Variants in ARHGAP26 observed in about 807,000 individuals in gnomAD.
ARHGAP26 encodes rho GTPase-activating protein 26.
Under a neutral mutation model 104.8 loss-of-function variants are expected in ARHGAP26, and 38 were observed. That is an observed-to-expected ratio of 0.36 (90% CI 0.28 to 0.48). The LOEUF (loss-of-function observed/expected upper bound fraction) is 0.48, where lower values mean the gene tolerates loss of function less well. Among genes scored for constraint, ARHGAP26 ranks in the 20% least tolerant of loss-of-function variants. The probability of loss-of-function intolerance (pLI) is 0.99; values close to 1 mark genes in which losing one functional copy is unlikely to be tolerated. For missense variants in ARHGAP26, 704 were observed against 947.9 expected (o/e 0.74, Z 3.38); for synonymous variants, 341 against 340.0 (o/e 1.00, Z -0.03).
At chr5:142,895,262 G>A (rs896857742) in intron 6 of ARHGAP26, among the ~76,000 whole-genome samples, 35 of 151,086 alleles carry the variant, frequency 2.3e-4, no homozygotes, top group African/African-American at 7.8e-4. Flanking sequence ...ACAGCTTCTC[G>A]CTCTGTCACC....
At chr5:143,183,063 T>C (rs1170578024) in intron 20 of ARHGAP26, among the ~76,000 whole-genome samples, 1 of 94,618 alleles carries the variant, frequency 1.1e-5, no homozygotes, top group Non-Finnish European at 2.1e-5. Context: ...CTCATGCAAA[T>C]GAAAAGTGGC....
chr5:142,958,720 T>G (rs1351638345), intron 11 of ARHGAP26, among the ~76,000 whole-genome samples: 2 of 152,006 alleles, frequency 1.3e-5, no homozygotes, highest in African/African-American at 4.8e-5. Context: ...CCTTAACTAT[T>G]GTGACCTTGA....
intron 10 of ARHGAP26, among the ~76,000 whole-genome samples, chr5:142,924,318 AG>A (rs1562089840): frequency 2.6e-5 from 4 of 151,984 alleles, no homozygotes; most frequent in African/African-American, 9.7e-5. Context: ...CTACATGCAC[AG>A]GGGGGCAGTA....
intron 6 of ARHGAP26, among the ~76,000 whole-genome samples, chr5:142,895,550 A>G (rs796588615): frequency 1.1e-4 from 17 of 152,322 alleles, no homozygotes; most frequent in African/African-American, 3.6e-4. Context: ...ACTTTTCTTA[A>G]GCAAATAAGA....
intron 11 of ARHGAP26, among the ~76,000 whole-genome samples, chr5:142,963,184 A>ATATATATG (rs1770620593): frequency 9.8e-6 from 1 of 101,628 alleles, no homozygotes; most frequent in African/African-American, 6.7e-5. Context: ...ATATATATAT[A>ATATATATG]TATATATATA....
chr5:143,181,572 A>T (rs779261998), intron 20 of ARHGAP26, among the ~76,000 whole-genome samples: 2 of 152,118 alleles, frequency 1.3e-5, no homozygotes, highest in Non-Finnish European at 2.9e-5. Flanking sequence ...TGTGGGCCAT[A>T]CCTGTCTTCC....
At chr5:143,125,509 C>T (rs955682112) in intron 18 of ARHGAP26, among the ~76,000 whole-genome samples, 5 of 152,212 alleles carry the variant, frequency 3.3e-5, no homozygotes, top group African/African-American at 7.2e-5. Flanking sequence ...AACTTCTGTC[C>T]TCCACCTCTC....
At chr5:142,875,061 C>T (rs370435398) in intron 2 of ARHGAP26, 49 bp from the exon 3 acceptor site, 1 of 1,533,516 alleles carries the variant, frequency 6.5e-7, no homozygotes, top group African/African-American at 1.4e-5. Flanking sequence ...AAAGGCTCCC[C>T]AAGGCCCATG....
intron 1 of ARHGAP26, among the ~76,000 whole-genome samples, chr5:142,783,184 G>C (rs1321270302): frequency 6.6e-6 from 1 of 152,254 alleles, no homozygotes; most frequent in African/African-American, 2.4e-5. Flanking sequence ...TCTGGAGGGT[G>C]TTTGCATTAC....
At chr5:142,805,937 A>G (rs1276782296) in intron 1 of ARHGAP26, among the ~76,000 whole-genome samples, 1 of 152,218 alleles carries the variant, frequency 6.6e-6, no homozygotes, top group Non-Finnish European at 1.5e-5. Context: ...TAGAGCATCA[A>G]TTCCCTAATG....
chr5:143,044,182 A>G (rs180777207), intron 14 of ARHGAP26, among the ~76,000 whole-genome samples: 3 of 152,298 alleles, frequency 2.0e-5, no homozygotes, highest in Admixed American at 1.3e-4. Flanking sequence ...AATTCAGAAT[A>G]GTTTACAAGG....
intron 10 of ARHGAP26, among the ~76,000 whole-genome samples, chr5:142,926,521 G>A (rs1763921730): frequency 6.6e-6 from 1 of 152,266 alleles, no homozygotes; most frequent in African/African-American, 2.4e-5. Context: ...AGATTTTTTA[G>A]AATTTGCCAA....
chr5:143,200,816 AC>A (rs1334053190), intron 20 of ARHGAP26, among the ~76,000 whole-genome samples: 1 of 152,230 alleles, frequency 6.6e-6, no homozygotes, highest in African/African-American at 2.4e-5. Flanking sequence ...TAGCAGCTCT[AC>A]TACTGTGGTG....
intron 11 of ARHGAP26, among the ~76,000 whole-genome samples, chr5:142,938,614 T>C (rs1598317448): frequency 6.6e-6 from 1 of 152,206 alleles, no homozygotes; most frequent in Non-Finnish European, 1.5e-5. Context: ...TACCAGCCCA[T>C]CATCATTGCC....
intron 21 of ARHGAP26, among the ~76,000 whole-genome samples, chr5:143,212,666 G>A (rs1809667493): frequency 6.6e-6 from 1 of 152,138 alleles, no homozygotes; most frequent in Admixed American, 6.5e-5. Flanking sequence ...AGTAAACTAT[G>A]GCCCAGCAAT....
rs973128970 is a variant in ARHGAP26 at position 143,224,617 on chromosome 5, T to A, written c.*2171T>A. ...TGCTCTTTACTTCTTTTTCTCCACA[T>A]CTTCTGAGGCTTTAGAAATGTGGAC... On this transcript the variant is annotated 3_prime_UTR_variant, in exon 23 of 23. Coordinates refer to ENST00000645722, the MANE Select transcript of ARHGAP26 (RefSeq NM_001135608.3). 4 of 231,084 alleles carry A rather than the reference T, an allele frequency of 1.7e-5. No individual in the cohort carries two copies. Among genetic ancestry groups the A allele is most frequent in the Non-Finnish European group, 3.4e-5 (4 of 116,704 alleles). The allele number at this position is 231,084 out of a possible 1,614,324, so 14.3% of individuals were successfully genotyped here. A position where few individuals can be genotyped will look rare whatever the true frequency, so the allele number is the denominator to read the frequency against.
chr5:142,797,623 C>T (rs763245012), intron 1 of ARHGAP26, among the ~76,000 whole-genome samples: 3 of 152,170 alleles, frequency 2.0e-5, no homozygotes, highest in African/African-American at 4.8e-5. Context: ...GCTGATTTCC[C>T]CTTCTGGCTA....
intron 11 of ARHGAP26, among the ~76,000 whole-genome samples, chr5:142,995,377 C>A (rs1416443226): frequency 1.3e-5 from 2 of 152,146 alleles, no homozygotes; most frequent in African/African-American, 4.8e-5. Context: ...CAAAAGAAGA[C>A]AAAATTTATG....
intron 13 of ARHGAP26, 88 bp from the exon 14 acceptor site, chr5:143,041,728 A>G: frequency 9.6e-7 from 1 of 1,037,558 alleles, no homozygotes; most frequent in Non-Finnish European, 1.4e-6. Flanking sequence ...AAATGAAAAA[A>G]AAAAAAAAAA....
Sources: gnomAD v4.1 joint callset for allele counts (sites outside exome capture counted in the v4.1 genomes callset) on GRCh38, gnomAD v4.1.1 for gene constraint, MANE v1.5 for transcripts, NCBI Gene and HGNC (gene_info 2026-07-23, HGNC 2026-07-21) for gene names.